CPNE8: variants seen among roughly 807,000 people sequenced by gnomAD.
CPNE8 encodes the protein copine-8.
Under a neutral mutation model 81.5 loss-of-function variants are expected in CPNE8, and 45 were observed. The observed-to-expected ratio is 0.55, with a 90% CI of 0.44 to 0.71. CPNE8 has a LOEUF of 0.71. Ranked by LOEUF, CPNE8 falls within the 30% of genes least tolerant of loss-of-function variation. The pLI is 0.00. For synonymous variants in CPNE8, 252 were observed against 226.3 expected (o/e 1.11, Z -1.02); for missense variants, 594 against 672.1 (o/e 0.88, Z 1.28).
At chr12:38,679,957 G>C (rs1209501011) in intron 16 of CPNE8, among the ~76,000 whole-genome samples, 4 of 151,794 alleles carry the variant, frequency 2.6e-5, no homozygotes, top group Non-Finnish European at 4.4e-5. Context: ...AAAGGTATTA[G>C]AGAAGCTTGC....
At chr12:38,836,697 T>A (rs187805303) in intron 5 of CPNE8, among the ~76,000 whole-genome samples, 6 of 152,290 alleles carry the variant, frequency 3.9e-5, no homozygotes, top group South Asian at 2.1e-4. Context: ...CTTTGCAAAA[T>A]TGGCAGGTAG....
chr12:38,721,994 G>A lies in CPNE8; in HGVS notation c.914+1778C>T, dbSNP rs148512582. On this transcript the variant is annotated intron_variant, in intron 13 of 19. Transcript: ENST00000331366. ...CATACCTGATTCACCCTTGGCAGGC[G>A]TGGGATGCAGGCTGGTAGCATGAGA... Among the ~76,000 whole-genome samples, 163 of 152,236 alleles carry A rather than the reference G, an allele frequency of 1.1e-3. 1 individual carries two copies. The highest frequency in any genetic ancestry group is 3.5e-3 in the African/African-American group (146 of 41,540).
chr12:38,867,485 T>G (rs894392613), intron 3 of CPNE8, among the ~76,000 whole-genome samples: 16 of 152,272 alleles, frequency 1.1e-4, no homozygotes, highest in Admixed American at 9.8e-4. Context: ...CAAACTGTAG[T>G]AATCGGCATT....
chr12:38,656,566 G>A (rs910248146), intron 19 of CPNE8, among the ~76,000 whole-genome samples: 4 of 152,016 alleles, frequency 2.6e-5, no homozygotes, highest in African/African-American at 9.7e-5. Flanking sequence ...TTTGGAATTA[G>A]ACTTCCCAGT....
intron 16 of CPNE8, chr12:38,679,814 A>G (rs1321796313): frequency 9.1e-6 from 4 of 440,472 alleles, no homozygotes; most frequent in African/African-American, 8.6e-5. Context: ...TTTTAAAAAT[A>G]TTATATATTT....
At chr12:38,704,156 G>A (rs924508016) in intron 13 of CPNE8, among the ~76,000 whole-genome samples, 4 of 152,262 alleles carry the variant, frequency 2.6e-5, no homozygotes, top group Middle Eastern at 3.4e-3. Flanking sequence ...TGGGTACTAT[G>A]CTCAGTACCT....
chr12:38,693,947 G>T, intron 14 of CPNE8, 109 bp from the exon 15 acceptor site: 1 of 792,928 alleles, frequency 1.3e-6, no homozygotes, highest in African/African-American at 1.8e-5. Context: ...ATGTTTTTCT[G>T]CCTATATACA....
At chr12:38,687,094 A>T (rs114480456) in intron 15 of CPNE8, among the ~76,000 whole-genome samples, 2,204 of 152,338 alleles carry the variant, frequency 0.014, 57 homozygotes, top group African/African-American at 0.051. Context: ...TTTTACTTGA[A>T]CAATCACAAG....
At chr12:38,720,436 A>G (rs186932547) in intron 13 of CPNE8, among the ~76,000 whole-genome samples, 5 of 152,296 alleles carry the variant, frequency 3.3e-5, no homozygotes, top group Non-Finnish European at 7.4e-5. Flanking sequence ...CTAGATTTGC[A>G]CCGCTGACCG....
chr12:38,809,706 C>G (rs1481715848), intron 6 of CPNE8, among the ~76,000 whole-genome samples: 2 of 152,114 alleles, frequency 1.3e-5, no homozygotes, highest in Admixed American at 1.3e-4. Context: ...AAATTCAGTT[C>G]AAAAATCTTC....
At chr12:38,808,434 A>G (rs528513852) in intron 6 of CPNE8, among the ~76,000 whole-genome samples, 3 of 152,188 alleles carry the variant, frequency 2.0e-5, no homozygotes, top group African/African-American at 7.2e-5. Context: ...ATAAAAAATG[A>G]TGAGTTCATG....
intron 6 of CPNE8, among the ~76,000 whole-genome samples, chr12:38,822,470 G>T (rs1460448560): frequency 1.3e-5 from 2 of 152,056 alleles, no homozygotes; most frequent in Non-Finnish European, 2.9e-5. Flanking sequence ...AAAGATACTG[G>T]CTATTTTTAA....
At chr12:38,685,310 C>T (rs1348145426) in intron 16 of CPNE8, among the ~76,000 whole-genome samples, 180 bp downstream of exon 16, 1 of 152,136 alleles carries the variant, frequency 6.6e-6, no homozygotes, top group Non-Finnish European at 1.5e-5. Context: ...ATGTACAGTT[C>T]TCAGCAAAGT....
chr12:38,685,366 C>T, intron 16 of CPNE8, 124 bp downstream of exon 16: 3 of 1,006,676 alleles, frequency 3.0e-6, no homozygotes, highest in South Asian at 3.7e-5. Context: ...CATTTTTTCC[C>T]CACTTTCTTG....
chr12:38,662,293 G>T (rs757022004), intron 19 of CPNE8, among the ~76,000 whole-genome samples: 3 of 152,042 alleles, frequency 2.0e-5, no homozygotes, highest in Non-Finnish European at 4.4e-5. Context: ...GAACTAATAA[G>T]TGAATTCAGA....
chr12:38,741,644 C>T (rs551899951), intron 10 of CPNE8, among the ~76,000 whole-genome samples: 1 of 152,144 alleles, frequency 6.6e-6, no homozygotes, highest in Non-Finnish European at 1.5e-5. Context: ...GTTTAAAACA[C>T]CAAAAGCAAT....
At chr12:38,788,637 T>G (rs140876347) in intron 6 of CPNE8, among the ~76,000 whole-genome samples, 20 of 151,778 alleles carry the variant, frequency 1.3e-4, no homozygotes, top group African/African-American at 4.6e-4. Flanking sequence ...GAGAAAGGTA[T>G]AGAAGGCATC....
intron 13 of CPNE8, 139 bp from the exon 14 acceptor site, chr12:38,703,060 G>A (rs555732255): frequency 2.0e-6 from 1 of 490,506 alleles, no homozygotes; most frequent in African/African-American, 2.0e-5. Context: ...GTACATATTG[G>A]ATAGCATCAG....
At chr12:38,848,306 G>A (rs1943588926) in intron 4 of CPNE8, among the ~76,000 whole-genome samples, 1 of 152,104 alleles carries the variant, frequency 6.6e-6, no homozygotes, top group Middle Eastern at 3.2e-3. Context: ...ATCCACTGAA[G>A]CACAGGGCAG....
Sources: allele counts gnomAD v4.1 joint callset (sites outside exome capture counted in the v4.1 genomes callset), GRCh38; gene constraint gnomAD v4.1.1; transcripts MANE v1.5; gene names NCBI Gene and HGNC (gene_info 2026-07-23, HGNC 2026-07-21).